ROBO2: variants seen among roughly 807,000 people sequenced by gnomAD.
ROBO2 encodes roundabout homolog 2.
A neutral mutation model predicts 160.8 loss-of-function variants in ROBO2; 53 were observed. That is an observed-to-expected ratio of 0.33 (90% CI 0.26 to 0.41). The LOEUF (loss-of-function observed/expected upper bound fraction) is 0.41. Among genes scored for constraint, ROBO2 ranks in the 10% least tolerant of loss-of-function variants. ROBO2 has a pLI of 1.00. For synonymous variants in ROBO2, 664 were observed against 611.7 expected (o/e 1.09, Z -1.26); for missense variants, 1,577 against 1,722.4 (o/e 0.92, Z 1.49).
At chr3:77,502,881 G>A (rs1018836577) in intron 5 of ROBO2, among the ~76,000 whole-genome samples, 2 of 151,974 alleles carry the variant, frequency 1.3e-5, no homozygotes, top group South Asian at 2.1e-4. Context: ...CTGGAACTAA[G>A]CCCCAGTGGA....
intron 2 of ROBO2, among the ~76,000 whole-genome samples, chr3:76,961,435 A>G (rs1195883642): frequency 6.6e-6 from 1 of 152,090 alleles, no homozygotes; most frequent in East Asian, 1.9e-4. Context: ...AGATATCACT[A>G]TCTAAGCCTG....
Position 77,203,177 on chromosome 3 carries a change from G to T in ROBO2, c.388+104837G>T, listed in dbSNP as rs114660761. Among the ~76,000 whole-genome samples, 626 of 152,264 alleles carry T rather than the reference G, an allele frequency of 4.1e-3. 2 individuals carry two copies. The highest frequency in any genetic ancestry group is 0.014 in the African/African-American group (595 of 41,550). On this transcript the variant is annotated intron_variant, in intron 2 of 25. Coordinates refer to ENST00000461745, the Ensembl canonical transcript of ROBO2. ...TTCCAAATATGCTTAAAGAATAAAA[G>T]CACTGCACATAAATGTGCTACCCTA...
intron 2 of ROBO2, among the ~76,000 whole-genome samples, chr3:76,780,435 T>A (rs1417132263): frequency 6.6e-6 from 1 of 150,940 alleles, no homozygotes. Flanking sequence ...TAGTTTGATG[T>A]CATCTTGCTT....
In ROBO2 at chr3:76,129,842, C is replaced by T. The variant is rs1179770260; in HGVS notation, c.109+192240C>T. Among the ~76,000 whole-genome samples, 5 of 151,998 alleles carry T rather than the reference C, an allele frequency of 3.3e-5. No individual in the cohort carries two copies. The East Asian group carries it at 9.7e-4, about 29-fold the overall frequency. ...AGGGAGTTACATCTCGATTCCCGTC[C>T]TAGCACCAGGATATTTTCATATCTT... On this transcript the variant is annotated intron_variant, in intron 2 of 26. Coordinates refer to the ROBO2 transcript ENST00000487694.
At chr3:76,930,979 G>A (rs1350415151) in intron 2 of ROBO2, among the ~76,000 whole-genome samples, 1 of 152,208 alleles carries the variant, frequency 6.6e-6, no homozygotes. Context: ...ATTAAAGGAA[G>A]CATTGCGTAG....
intron 2 of ROBO2, among the ~76,000 whole-genome samples, chr3:76,717,519 G>T (rs138572246): frequency 2.6e-4 from 39 of 151,550 alleles, no homozygotes; most frequent in African/African-American, 9.4e-4. Context: ...AAAAAGAAAA[G>T]CCCCACTATC....
At chr3:76,401,811 G>C (rs1325043044) in intron 2 of ROBO2, among the ~76,000 whole-genome samples, 1 of 151,322 alleles carries the variant, frequency 6.6e-6, no homozygotes, top group Non-Finnish European at 1.5e-5. Context: ...AATTTGTCAT[G>C]TCCTAAGGTA....
intron 2 of ROBO2, among the ~76,000 whole-genome samples, chr3:77,194,168 G>A (rs776556463): frequency 6.6e-6 from 1 of 152,168 alleles, no homozygotes; most frequent in Non-Finnish European, 1.5e-5. Flanking sequence ...AGTTCTTATA[G>A]TTACAGTTGA....
chr3:76,431,478 A>T (rs890313211), intron 2 of ROBO2, among the ~76,000 whole-genome samples: 8 of 152,176 alleles, frequency 5.3e-5, no homozygotes, highest in Non-Finnish European at 1.2e-4. Context: ...TAAAACATGA[A>T]TGATATAGTA....
At chr3:76,306,108 C>T (rs2071331536) in intron 2 of ROBO2, among the ~76,000 whole-genome samples, 1 of 152,116 alleles carries the variant, frequency 6.6e-6, no homozygotes, top group Non-Finnish European at 1.5e-5. Context: ...AAAATTGATC[C>T]TGATTGAGAG....
intron 2 of ROBO2, among the ~76,000 whole-genome samples, chr3:76,181,794 A>T (rs1259950067): frequency 6.7e-6 from 1 of 148,318 alleles, no homozygotes; most frequent in Non-Finnish European, 1.5e-5. Flanking sequence ...TTATGTCCTA[A>T]AAAAAAAGGA....
At chr3:76,994,082 C>CT (rs1421177925) in intron 2 of ROBO2, among the ~76,000 whole-genome samples, 5 of 108,564 alleles carry the variant, frequency 4.6e-5, no homozygotes, top group South Asian at 2.9e-4. Context: ...CAAAGATGTG[C>CT]TTTTTTTGTT....
At chr3:77,461,453 C>A (rs903311491) in intron 2 of ROBO2, among the ~76,000 whole-genome samples, 6 of 151,816 alleles carry the variant, frequency 4.0e-5, no homozygotes, top group Non-Finnish European at 7.4e-5. Context: ...TTATGATAAA[C>A]CATCAAGTAT....
intron 2 of ROBO2, among the ~76,000 whole-genome samples, chr3:75,940,224 A>T (rs75438666): frequency 6.6e-6 from 1 of 152,184 alleles, no homozygotes; most frequent in Non-Finnish European, 1.5e-5. Flanking sequence ...AAGACAAAAA[A>T]CGATTTAACG....
intron 2 of ROBO2, among the ~76,000 whole-genome samples, chr3:76,742,729 A>G (rs1332247497): frequency 1.3e-5 from 2 of 152,158 alleles, no homozygotes; most frequent in Non-Finnish European, 2.9e-5. Context: ...ACTTAACACC[A>G]GCATTTTTTT....
At chr3:76,496,268 T>A (rs2080144919) in intron 2 of ROBO2, among the ~76,000 whole-genome samples, 1 of 152,218 alleles carries the variant, frequency 6.6e-6, no homozygotes, top group Admixed American at 6.5e-5. Context: ...AATTCTTTCA[T>A]TTTCATCTTC....
intron 2 of ROBO2, among the ~76,000 whole-genome samples, chr3:76,665,413 T>A (rs2091980346): frequency 6.6e-6 from 1 of 152,050 alleles, no homozygotes; most frequent in Non-Finnish European, 1.5e-5. Flanking sequence ...ATGAATCATA[T>A]CTGATGTCAA....
intron 2 of ROBO2, among the ~76,000 whole-genome samples, chr3:76,809,433 G>T (rs186415913): frequency 4.3e-4 from 65 of 152,236 alleles, no homozygotes; most frequent in African/African-American, 1.5e-3. Flanking sequence ...ACCAGTAAGG[G>T]AGAAAAGCCT....
At chr3:77,468,591 A>T (rs547844781) in intron 2 of ROBO2, among the ~76,000 whole-genome samples, 2 of 152,334 alleles carry the variant, frequency 1.3e-5, no homozygotes, top group African/African-American at 4.8e-5. Flanking sequence ...CGGCTAAAAA[A>T]AGGATTCAAG....
Sources: allele counts gnomAD v4.1 joint callset (sites outside exome capture counted in the v4.1 genomes callset), GRCh38; gene constraint gnomAD v4.1.1; transcripts MANE v1.5; gene names NCBI Gene and HGNC (gene_info 2026-07-23, HGNC 2026-07-21).